The following DRC7 variants were observed in gnomAD, a reference collection of about 807,000 sequenced individuals.
DRC7 encodes the protein coiled-coil domain containing 135.
Under a neutral mutation model 104.4 loss-of-function variants are expected in DRC7, and 80 were observed. The ratio of observed to expected loss-of-function variants is 0.77; its 90% CI spans 0.64 to 0.92. The LOEUF (loss-of-function observed/expected upper bound fraction) is 0.92, where lower values mean the gene tolerates loss of function less well. Among genes scored for constraint, DRC7 ranks in the 40% least tolerant of loss-of-function variants. The pLI is 0.00. For missense variants in DRC7, 1,034 were observed against 1,141.1 expected (o/e 0.91, Z 1.35); for synonymous variants, 405 against 447.3 (o/e 0.91, Z 1.19).
intron 17 of DRC7, among the ~76,000 whole-genome samples, chr16:57,729,018 G>A (rs535500221): frequency 1.3e-5 from 2 of 148,342 alleles, no homozygotes; most frequent in African/African-American, 2.5e-5. Flanking sequence ...AGGTGTATGG[G>A]TATAGGTATG....
At chr16:57,725,038 A>G (rs1174829569) in intron 13 of DRC7, among the ~76,000 whole-genome samples, 1 of 152,198 alleles carries the variant, frequency 6.6e-6, no homozygotes, top group Non-Finnish European at 1.5e-5. Context: ...TGGGTAATTT[A>G]TAAAGAAAAG....
chr16:57,705,805 TTTCTCCTCC>T (rs2048714390), intron 7 of DRC7, among the ~76,000 whole-genome samples: 1 of 64,728 alleles, frequency 1.5e-5, no homozygotes. Flanking sequence ...CATCCTCCCA[TTTCTCCTCC>T]CATCCATCCT....
intron 7 of DRC7, among the ~76,000 whole-genome samples, chr16:57,705,602 C>T (rs1470652595): frequency 7.5e-6 from 1 of 132,672 alleles, no homozygotes; most frequent in East Asian, 2.8e-4. Flanking sequence ...CATCCATTCT[C>T]CCATCTCTCC....
At chr16:57,697,442 C>T (rs1368213384) in intron 2 of DRC7, among the ~76,000 whole-genome samples, 1 of 151,618 alleles carries the variant, frequency 6.6e-6, no homozygotes, top group Middle Eastern at 3.4e-3. Context: ...GTGGTGTGCA[C>T]CTGTGGTCTC....
intron 6 of DRC7, 48 bp downstream of exon 6, chr16:57,702,178 C>T: frequency 6.3e-7 from 1 of 1,592,366 alleles, no homozygotes; most frequent in South Asian, 1.1e-5. Flanking sequence ...ATGAACATTC[C>T]CGGTGCTGTC....
chr16:57,709,303 A>C (rs993649882), intron 8 of DRC7, among the ~76,000 whole-genome samples: 2 of 152,024 alleles, frequency 1.3e-5, no homozygotes, highest in African/African-American at 4.8e-5. Context: ...TAATCCTTAT[A>C]CTTTTTCATT....
At chr16:57,698,792 AC>A in intron 3 of DRC7, 57 bp from the exon 4 acceptor site, 1 of 1,563,028 alleles carries the variant, frequency 6.4e-7, no homozygotes, top group Non-Finnish European at 8.7e-7. Flanking sequence ...ACTCAGTGGA[AC>A]CAGGGCTCCT....
chr16:57,731,465 T>C lies in DRC7; in HGVS notation c.*207T>C, dbSNP rs77633423. 6.6e-3 allele frequency: 3,853 copies of C among 584,544 alleles called. 110 individuals carry two copies. The highest frequency in any genetic ancestry group is 0.034 in the South Asian group (1,627 of 48,144). 36.2% of individuals were successfully genotyped at this position (584,544 alleles called of 1,614,324 possible). A position where few individuals can be genotyped will look rare whatever the true frequency, so the allele number is the denominator to read the frequency against. ...CACTCTTAATTTGCCATTTGTGCCT[T>C]GCGCTTCACAAGCTCCAGCAGCAGC... On this transcript the variant is annotated 3_prime_UTR_variant, in exon 19 of 19. Transcript: ENST00000360716.
intron 4 of DRC7, among the ~76,000 whole-genome samples, chr16:57,699,252 G>A (rs372239600): frequency 3.3e-5 from 5 of 152,324 alleles, no homozygotes; most frequent in East Asian, 3.9e-4. Flanking sequence ...CCATGCCCCC[G>A]CCTAAAGAGG....
At chr16:57,717,374 A>G (rs530926443) in intron 8 of DRC7, among the ~76,000 whole-genome samples, 1 of 148,558 alleles carries the variant, frequency 6.7e-6, no homozygotes, top group South Asian at 2.2e-4. Flanking sequence ...AGTCAGAACT[A>G]CAGGTGCATA....
At chr16:57,716,269 G>A (rs1398385626) in intron 8 of DRC7, among the ~76,000 whole-genome samples, 3 of 152,280 alleles carry the variant, frequency 2.0e-5, no homozygotes, top group South Asian at 2.1e-4. Flanking sequence ...TTGAGAGGCC[G>A]AGGTAGGTGG....
Position 57,704,906 on chromosome 16 carries a change from A to G in DRC7, c.730A>G (p.Lys244Glu), listed in dbSNP as rs1413390672. 6.2e-7 allele frequency: 1 copy of G among 1,613,568 alleles called. No individual in the cohort carries two copies. The change falls in exon 7 of 19, where the codon AAG becomes GAG. Residue 244 changes from lysine (K) to glutamate (E), a missense_variant. Physicochemically the swap from Lys to Glu is moderately conservative, Grantham distance 56. Coordinates refer to ENST00000360716, the MANE Select transcript of DRC7 (RefSeq NM_001289162.2). ...TIKKEEKVLP[K>E]KYTIKPPRDL... ...CAAGAAGGAGGAAAAGGTGCTGCCT[A>G]AGAAGTATACCATCAAACCCCCCAG...
rs1211370068 is a variant in DRC7, at chr16:57,698,850, G to A, written c.204G>A (p.Pro68=). 7 of 1,613,498 alleles carry A rather than the reference G, an allele frequency of 4.3e-6. No homozygotes were observed. The highest frequency in any genetic ancestry group is 5.9e-6 in the Non-Finnish European group (7 of 1,179,706). Residue 68 remains proline (P), a splice_region_variant and synonymous_variant, in exon 4 of 19, where the codon CCG becomes CCA. Transcript: ENST00000360716. ...EIQITVSAEL[P]AFTKDTIDIS... ...TAATGCCATCCCTGTTGTGGCACAG[G>A]GCCTTTACCAAGGACACTATTGACA...
rs1371460122 is a variant in DRC7, at chr16:57,722,910, G to A, written c.1408+69G>A. 5 of 1,612,548 alleles carry A rather than the reference G, an allele frequency of 3.1e-6. No individual in the cohort carries two copies. In the African/African-American group the frequency reaches 5.3e-5, roughly 17 times the overall value. ...GCGGGGGCGGCTTCTACTCTCTCTG[G>A]GGTCATTGCTGGCCTCTGTGTGCCT... On this transcript the variant is annotated intron_variant, in intron 11 of 18. Coordinates refer to ENST00000360716, the MANE Select transcript of DRC7 (RefSeq NM_001289162.2).
In DRC7 at chr16:57,697,918, T is replaced by C. The variant is rs114959650; in HGVS notation, c.-32T>C. 232 of 1,603,064 alleles carry C rather than the reference T, an allele frequency of 1.4e-4. No individual in the cohort carries two copies. The African/African-American group carries it at 2.7e-3, about 19-fold the overall frequency. The stretch of plus-strand genomic sequence containing the variant: ...ATACTTACCCTTCCCCACAGAGACA[T>C]TCCATCTCCAGACACCCAGAGACGC... On this transcript the variant is annotated 5_prime_UTR_variant, in exon 3 of 19. Coordinates refer to ENST00000360716, the MANE Select transcript of DRC7 (RefSeq NM_001289162.2).
At chr16:57,726,489 A>T in intron 14 of DRC7, 1 of 592,286 alleles carries the variant, frequency 1.7e-6, no homozygotes, top group South Asian at 2.0e-5. Context: ...TCCACCAAAA[A>T]AGCGAACTCA....
At position 57,695,696 on chromosome 16, in the gene DRC7, A is replaced by G. The variant is rs529854594; in HGVS notation, c.-168-768A>G. ...TTGGGTGGCTTCCAGCCAGATGAGC[A>G]TTCGTCCCCTCCTGAGTCCCAGAGC... On this transcript the variant is annotated intron_variant, in intron 1 of 18. Coordinates refer to ENST00000360716, the MANE Select transcript of DRC7 (RefSeq NM_001289162.2). 1.5e-4 allele frequency among the ~76,000 whole-genome samples: 23 copies of G among 152,346 alleles called. No individual in the cohort carries two copies. The South Asian group carries it at 4.8e-3, about 32-fold the overall frequency.
intron 4 of DRC7, 118 bp downstream of exon 4, chr16:57,699,142 C>A: frequency 8.1e-7 from 1 of 1,227,304 alleles, no homozygotes; most frequent in Non-Finnish European, 1.1e-6. Context: ...TCCTGTGGGC[C>A]AGAGCGCTTC....
chr16:57,728,607 GGA>G, intron 17 of DRC7, 23 bp downstream of exon 17: 1 of 1,540,632 alleles, frequency 6.5e-7, no homozygotes, highest in Non-Finnish European at 8.8e-7. Flanking sequence ...CCTTTGTTGG[GGA>G]GGGGGGGATC....
Sources: gnomAD v4.1 joint callset for allele counts (sites outside exome capture counted in the v4.1 genomes callset) on GRCh38, gnomAD v4.1.1 for gene constraint, MANE v1.5 for transcripts, NCBI Gene and HGNC (gene_info 2026-07-23, HGNC 2026-07-21) for gene names.